NRXN1: variants seen among roughly 807,000 people sequenced by gnomAD.
The protein encoded by NRXN1 is neurexin-1.
NRXN1 carries 39 observed loss-of-function variants against 150.9 expected under a neutral mutation model. That is an observed-to-expected ratio of 0.26 (90% CI 0.20 to 0.34). The LOEUF is 0.34. Among genes scored for constraint, NRXN1 ranks in the 10% least tolerant of loss-of-function variants. The pLI is 1.00. For synonymous variants in NRXN1, 924 were observed against 757.0 expected (o/e 1.22, Z -3.62); for missense variants, 1,815 against 1,949.9 (o/e 0.93, Z 1.30).
At chr2:50,973,118 C>A (rs1366155442) in intron 2 of NRXN1, among the ~76,000 whole-genome samples, 1 of 152,128 alleles carries the variant, frequency 6.6e-6, no homozygotes, top group Non-Finnish European at 1.5e-5. Flanking sequence ...ATCCTTTGCA[C>A]AGAGTTAGCT....
chr2:50,776,274 T>G (rs1703624720), intron 5 of NRXN1, among the ~76,000 whole-genome samples: 2 of 152,112 alleles, frequency 1.3e-5, no homozygotes, highest in Admixed American at 6.6e-5. Flanking sequence ...GGTCCGTACT[T>G]CTTTCAAATA....
At chr2:50,311,927 A>G (rs2075217884) in intron 17 of NRXN1, among the ~76,000 whole-genome samples, 1 of 152,130 alleles carries the variant, frequency 6.6e-6, no homozygotes, top group African/African-American at 2.4e-5. Flanking sequence ...ATATTGAGGA[A>G]TTAAGTCAAA....
At chr2:50,453,688 A>G (rs189786399) in intron 17 of NRXN1, among the ~76,000 whole-genome samples, 120 of 152,308 alleles carry the variant, frequency 7.9e-4, no homozygotes, top group Non-Finnish European at 1.4e-3. Flanking sequence ...AATTCCAACT[A>G]TACCACATCA....
At chr2:50,813,984 A>T (rs1021734964) in intron 5 of NRXN1, among the ~76,000 whole-genome samples, 9 of 152,324 alleles carry the variant, frequency 5.9e-5, no homozygotes, top group African/African-American at 1.9e-4. Flanking sequence ...AGTTTCTTTT[A>T]AAAATGAAGA....
At chr2:50,827,777 G>A (rs1393372035) in intron 5 of NRXN1, among the ~76,000 whole-genome samples, 1 of 150,782 alleles carries the variant, frequency 6.6e-6, no homozygotes, top group Non-Finnish European at 1.5e-5. Flanking sequence ...TGTGTCCCTG[G>A]GTACTTGAGA....
At chr2:50,387,702 C>A (rs7560420) in intron 17 of NRXN1, among the ~76,000 whole-genome samples, 18,985 of 152,098 alleles carry the variant, frequency 0.12, 1,964 homozygotes, top group East Asian at 0.36. Context: ...TCCTATGAAG[C>A]TTCTCTTCGG....
chr2:50,352,767 TA>T (rs1419326886), intron 17 of NRXN1, among the ~76,000 whole-genome samples: 36 of 123,546 alleles, frequency 2.9e-4, no homozygotes, highest in Non-Finnish European at 3.4e-4. Context: ...ATAATAATAA[TA>T]ATAATAATAT....
intron 19 of NRXN1, among the ~76,000 whole-genome samples, chr2:50,067,950 A>T (rs1695611038): frequency 6.6e-6 from 1 of 152,176 alleles, no homozygotes; most frequent in South Asian, 2.1e-4. Context: ...TCTACACTCC[A>T]TTATCAGTCT....
chr2:50,263,393 C>T (rs559098063), intron 17 of NRXN1, among the ~76,000 whole-genome samples: 1 of 152,134 alleles, frequency 6.6e-6, no homozygotes, highest in African/African-American at 2.4e-5. Flanking sequence ...ATTAAATGGA[C>T]TTAGGGCAAT....
At chr2:50,686,365 C>A (rs1313334872) in intron 5 of NRXN1, among the ~76,000 whole-genome samples, 3 of 151,592 alleles carry the variant, frequency 2.0e-5, no homozygotes, top group Admixed American at 2.0e-4. Flanking sequence ...GCAGCAAATT[C>A]CTCTCACACT....
rs779465137 is a variant in NRXN1, at chr2:50,531,367, T to A, written c.2207A>T (p.His736Leu). The change falls in exon 11 of 23, where the codon CAT (histidine) becomes CTT (leucine). Residue 736 changes from histidine to leucine, a missense_variant. By Grantham distance (99) the His-to-Leu change is moderately conservative (BLOSUM62 -3). Around this residue, in one of 6 missense-constraint regions of NRXN1, gnomAD observed 638 missense variants for 652.6 expected, o/e 0.98. Coordinates refer to ENST00000401669, the MANE Select transcript of NRXN1 (RefSeq NM_001330078.2). ...TAAGGAAACATCCTCAGCCTCCGTA[T>A]GCATGACTACGGGGAGCTGAATTTT... ...FMKIQLPVVM[H>L]TEAEDVSLRF... The A allele has an allele frequency of 6.2e-7, 1 of 1,613,236 alleles. No homozygotes were observed. Among genetic ancestry groups the A allele is most frequent in the Admixed American group, 1.7e-5 (1 of 59,924 alleles).
At chr2:50,775,338 T>C (rs1703479825) in intron 5 of NRXN1, among the ~76,000 whole-genome samples, 2 of 152,158 alleles carry the variant, frequency 1.3e-5, no homozygotes, top group South Asian at 2.1e-4. Context: ...CTTGCTTCTG[T>C]GCCATTCTAA....
chr2:50,050,595 C>T (rs1238195327), intron 21 of NRXN1, among the ~76,000 whole-genome samples: 1 of 152,016 alleles, frequency 6.6e-6, no homozygotes, highest in Non-Finnish European at 1.5e-5. Flanking sequence ...GAAGATGCTT[C>T]ATCCAACCTG....
At chr2:50,066,044 C>T (rs555032593) in intron 19 of NRXN1, among the ~76,000 whole-genome samples, 7 of 152,258 alleles carry the variant, frequency 4.6e-5, no homozygotes, top group Admixed American at 3.9e-4. Context: ...CAACTCAAGG[C>T]GTATATTTAC....
intron 18 of NRXN1, among the ~76,000 whole-genome samples, chr2:50,149,585 T>A (rs915001232): frequency 6.6e-6 from 1 of 151,736 alleles, no homozygotes; most frequent in Admixed American, 6.6e-5. Flanking sequence ...CCATAGCACC[T>A]TGTATATACC....
At chr2:50,772,424 TA>T (rs945612098) in intron 5 of NRXN1, among the ~76,000 whole-genome samples, 46 of 149,772 alleles carry the variant, frequency 3.1e-4, no homozygotes, top group African/African-American at 8.6e-4. Flanking sequence ...TTGCCTTTCT[TA>T]AAAAAAAATC....
chr2:50,475,606 G>A (rs1445590243), intron 15 of NRXN1, among the ~76,000 whole-genome samples: 1 of 151,998 alleles, frequency 6.6e-6, no homozygotes, highest in Admixed American at 6.6e-5. Flanking sequence ...CAAGCAGTGT[G>A]GGATACAACC....
At chr2:51,018,818 G>T (rs772404670) in intron 2 of NRXN1, among the ~76,000 whole-genome samples, 1 of 151,966 alleles carries the variant, frequency 6.6e-6, no homozygotes, top group African/African-American at 2.4e-5. Context: ...TCATCAAAAG[G>T]ACAAAAATTT....
chr2:50,835,341 T>C (rs1357971896), intron 5 of NRXN1, among the ~76,000 whole-genome samples: 1 of 152,232 alleles, frequency 6.6e-6, no homozygotes, highest in Non-Finnish European at 1.5e-5. Context: ...AAGAAAATTA[T>C]CTTTGACCTT....
Sources: allele counts gnomAD v4.1 joint callset (sites outside exome capture counted in the v4.1 genomes callset), GRCh38; gene constraint gnomAD v4.1.1; regional missense constraint gnomAD v4.1.1; transcripts MANE v1.5; gene names NCBI Gene and HGNC (gene_info 2026-07-23, HGNC 2026-07-21).